PDPN: variants seen among roughly 807,000 people sequenced by gnomAD.
PDPN encodes podoplanin.
A neutral mutation model predicts 23.2 loss-of-function variants in PDPN; 12 were observed. The observed-to-expected ratio is 0.52, with a 90% confidence interval of 0.33 to 0.84. The LOEUF is 0.84. PDPN is among the 40% of genes least tolerant of loss of function. The pLI is 0.02. For missense variants in PDPN, 199 were observed against 212.2 expected (o/e 0.94, Z 0.39); for synonymous variants, 77 against 76.7 (o/e 1.00, Z -0.02).
chr1:13,615,422 A>C (rs1200010998), intron 5 of PDPN, among the ~76,000 whole-genome samples: 1 of 151,756 alleles, frequency 6.6e-6, no homozygotes, highest in East Asian at 1.9e-4. Context: ...AGTAGCTGGG[A>C]CTACAGGCAT....
chr1:13,604,622 C>G (rs1484610210), intron 1 of PDPN, among the ~76,000 whole-genome samples: 1 of 150,934 alleles, frequency 6.6e-6, no homozygotes, highest in African/African-American at 2.4e-5. Context: ...TTTTTTAAAG[C>G]AAGGATTGTT....
intron 2 of PDPN, among the ~76,000 whole-genome samples, 197 bp downstream of exon 2, chr1:13,607,503 CTG>C (rs550476860): frequency 1.3e-5 from 2 of 152,308 alleles, no homozygotes; most frequent in East Asian, 3.9e-4. Context: ...TTCTTGGAAA[CTG>C]TGACTTGAAG....
At chr1:13,612,583 C>G (rs1444777401) in intron 3 of PDPN, among the ~76,000 whole-genome samples, 5 of 152,110 alleles carry the variant, frequency 3.3e-5, no homozygotes, top group Non-Finnish European at 7.3e-5. Context: ...CAGCCGTGTC[C>G]TATATGGTGG....
chr1:13,606,678 T>C (rs1432527958), intron 1 of PDPN, among the ~76,000 whole-genome samples: 1 of 151,792 alleles, frequency 6.6e-6, no homozygotes, highest in Non-Finnish European at 1.5e-5. Context: ...TTAAGAAAAA[T>C]TAATTTGAAA....
At chr1:13,610,914 C>T (rs1640917481) in intron 3 of PDPN, among the ~76,000 whole-genome samples, 1 of 152,204 alleles carries the variant, frequency 6.6e-6, no homozygotes, top group Non-Finnish European at 1.5e-5. Context: ...TTCATGTCTG[C>T]ATGCATGGTG....
At chr1:13,609,688 T>C (rs1224462646) in intron 2 of PDPN, among the ~76,000 whole-genome samples, 1 of 152,212 alleles carries the variant, frequency 6.6e-6, no homozygotes, top group Non-Finnish European at 1.5e-5. Context: ...ATAGTACTTG[T>C]CTTTTGTGAC....
At chr1:13,602,307 G>A (rs957583142) in intron 1 of PDPN, among the ~76,000 whole-genome samples, 4 of 151,562 alleles carry the variant, frequency 2.6e-5, no homozygotes, top group East Asian at 1.9e-4. Context: ...CAGCCTGGGC[G>A]ACAGAGCAAG....
intron 1 of PDPN, among the ~76,000 whole-genome samples, chr1:13,595,370 A>G (rs1640466073): frequency 6.6e-6 from 1 of 152,180 alleles, no homozygotes; most frequent in East Asian, 1.9e-4. Context: ...CCTCTTCTTC[A>G]TTGCCCAGTT....
At chr1:13,605,770 G>A (rs534280229) in intron 1 of PDPN, among the ~76,000 whole-genome samples, 1 of 152,080 alleles carries the variant, frequency 6.6e-6, no homozygotes, top group African/African-American at 2.4e-5. Context: ...CTACAGGCAT[G>A]CAACCCCATG....
intron 1 of PDPN, among the ~76,000 whole-genome samples, chr1:13,605,824 C>T (rs1570045769): frequency 2.0e-5 from 3 of 151,990 alleles, no homozygotes; most frequent in Non-Finnish European, 2.9e-5. Context: ...GATTTCACCA[C>T]GTTGGCCAGG....
At chr1:13,587,071 G>A (rs1385954673) in intron 1 of PDPN, among the ~76,000 whole-genome samples, 1 of 152,142 alleles carries the variant, frequency 6.6e-6, no homozygotes, top group African/African-American at 2.4e-5. Context: ...TAAAAACAAA[G>A]TAAAGAGGTT....
chr1:13,595,654 G>A (rs892262827), intron 1 of PDPN, among the ~76,000 whole-genome samples: 15 of 152,296 alleles, frequency 9.8e-5, no homozygotes, highest in African/African-American at 2.6e-4. Flanking sequence ...CCCCAGTGCC[G>A]TTAGCACACA....
At chr1:13,605,636 T>G (rs554890971) in intron 1 of PDPN, among the ~76,000 whole-genome samples, 10 of 152,184 alleles carry the variant, frequency 6.6e-5, no homozygotes, top group Non-Finnish European at 8.8e-5. Flanking sequence ...ACCTTTTTTT[T>G]TCTTTGAGAC....
chr1:13,599,125 C>G (rs1021000301), intron 1 of PDPN, among the ~76,000 whole-genome samples: 4 of 151,520 alleles, frequency 2.6e-5, no homozygotes, highest in African/African-American at 9.7e-5. Flanking sequence ...ATTCCCCTGC[C>G]TCTGCCTCCT....
intron 1 of PDPN, among the ~76,000 whole-genome samples, chr1:13,601,352 G>A (rs1640636395): frequency 6.6e-6 from 1 of 152,164 alleles, no homozygotes; most frequent in South Asian, 2.1e-4. Flanking sequence ...TCCTGTAACT[G>A]TGACATAGTA....
chr1:13,604,361 G>A (rs950165498), intron 1 of PDPN, among the ~76,000 whole-genome samples: 28 of 152,122 alleles, frequency 1.8e-4, no homozygotes, highest in Admixed American at 1.0e-3. Context: ...GGACAATTGG[G>A]GATCTCTTGT....
intron 1 of PDPN, among the ~76,000 whole-genome samples, chr1:13,602,631 C>T (rs1044640380): frequency 6.6e-6 from 1 of 152,116 alleles, no homozygotes; most frequent in African/African-American, 2.4e-5. Context: ...GGTTCAGTCT[C>T]GGCTCACTGC....
At chr1:13,603,714 G>A (rs1333834170) in intron 1 of PDPN, among the ~76,000 whole-genome samples, 2 of 151,204 alleles carry the variant, frequency 1.3e-5, no homozygotes, top group East Asian at 1.9e-4. Flanking sequence ...TCAGCCTCCC[G>A]AGTAGTTGGG....
rs567766202 is a variant in PDPN at position 13,600,424 on chromosome 1, A to G, written c.68-6749A>G. Among the ~76,000 whole-genome samples, 41 of 151,680 alleles carry G rather than the reference A, an allele frequency of 2.7e-4. No homozygotes were observed. The South Asian group carries it at 4.0e-3, about 15-fold the overall frequency. The stretch of plus-strand genomic sequence containing the variant: ...CTCTTGTCACCCAGGCTGGAGTGCA[A>G]TGGCACAATCTCAGCTCACTACAGC... On this transcript the variant is annotated intron_variant, in intron 1 of 5. Coordinates refer to ENST00000621990, the MANE Select transcript of PDPN (RefSeq NM_006474.5).
Sources: allele counts gnomAD v4.1 joint callset (sites outside exome capture counted in the v4.1 genomes callset), GRCh38; gene constraint gnomAD v4.1.1; transcripts MANE v1.5; gene names NCBI Gene and HGNC (gene_info 2026-07-23, HGNC 2026-07-21).